The following SMAD4 variants were observed in gnomAD, a reference collection of about 807,000 sequenced individuals.
SMAD4 encodes the protein SMAD family member 4, also known as MAD homolog 4.
A neutral mutation model predicts 63.2 loss-of-function variants in SMAD4; 7 were observed. The ratio of observed to expected loss-of-function variants is 0.11; its 90% CI spans 0.06 to 0.21. The LOEUF (loss-of-function observed/expected upper bound fraction) is 0.21. Ranked by LOEUF, SMAD4 falls within the 10% of genes least tolerant of loss-of-function variation. SMAD4 has a pLI of 1.00. For synonymous variants in SMAD4, 215 were observed against 235.4 expected, an observed-to-expected ratio of 0.91 and a Z score of 0.79; for missense variants, 312 against 693.8, an observed-to-expected ratio of 0.45 and a Z score of 6.18.
chr18:51,081,656 A>C lies in SMAD4; in HGVS notation c.*3189A>C, dbSNP rs1192944734. The C allele has an allele frequency of 4.3e-6, 1 of 232,758 alleles. No homozygotes were observed. The highest frequency in any genetic ancestry group is 8.5e-6 in the Non-Finnish European group (1 of 117,866). 14.4% of individuals were successfully genotyped at this position (232,758 alleles called of 1,614,324 possible). A position where few individuals can be genotyped will look rare whatever the true frequency, so the allele number is the denominator to read the frequency against. ...TAGCTGTGCTGCATTTCAGACTTAA[A>C]ATCCATTTTTGTGGGGCAGGGTGTG... On this transcript the variant is annotated 3_prime_UTR_variant, in exon 12 of 12. Coordinates refer to ENST00000342988, the MANE Select transcript of SMAD4 (RefSeq NM_005359.6).
chr18:51,078,625 T>C lies in SMAD4; in HGVS notation c.*158T>C, dbSNP rs1910532726. 1 of 620,470 alleles carries C rather than the reference T, an allele frequency of 1.6e-6. No individual in the cohort carries two copies. The highest frequency in any genetic ancestry group is 2.8e-6 in the Non-Finnish European group (1 of 362,154). The allele number at this position is 620,470 out of a possible 1,614,324, so 38.4% of individuals were successfully genotyped here. A position where few individuals can be genotyped will look rare whatever the true frequency, so the allele number is the denominator to read the frequency against. On this transcript the variant is annotated 3_prime_UTR_variant, in exon 12 of 12. Transcript: ENST00000342988. The stretch of plus-strand genomic sequence containing the variant: ...TGCCTTGCTCCTAGCAGACAGAAAC[T>C]GGATTAAAACAATTTTTTTTTTCCT...
chr18:51,069,828 G>A (rs1235181125), intron 10 of SMAD4, among the ~76,000 whole-genome samples: 1 of 152,140 alleles, frequency 6.6e-6, no homozygotes, highest in Non-Finnish European at 1.5e-5. Flanking sequence ...TTTGGCTGTT[G>A]TCTCTCTCCA....
At chr18:51,051,880 C>A (rs1909723416) in intron 4 of SMAD4, among the ~76,000 whole-genome samples, 1 of 151,946 alleles carries the variant, frequency 6.6e-6, no homozygotes, top group African/African-American at 2.4e-5. Flanking sequence ...GATTTCGGCT[C>A]ACTGCAACCT....
chr18:51,083,631 C>G lies in SMAD4; in HGVS notation c.*5164C>G, dbSNP rs1910665071. 1 of 227,932 alleles carries G rather than the reference C, an allele frequency of 4.4e-6. No individual in the cohort carries two copies. The highest frequency in any genetic ancestry group is 8.7e-6 in the Non-Finnish European group (1 of 114,658). The allele number at this position is 227,932 out of a possible 1,614,324, so 14.1% of individuals were successfully genotyped here. A position where few individuals can be genotyped will look rare whatever the true frequency, so the allele number is the denominator to read the frequency against. On this transcript the variant is annotated 3_prime_UTR_variant, in exon 12 of 12. Transcript: ENST00000342988. ...AGTAATGGCTCTGGGTTGGGCCAGA[C>G]AGTTGCACTCTCTAGTTTGCCCTCT...
At chr18:51,056,669 G>A (rs1001338891) in intron 5 of SMAD4, among the ~76,000 whole-genome samples, 1 of 140,080 alleles carries the variant, frequency 7.1e-6, no homozygotes, top group Non-Finnish European at 1.6e-5. Context: ...GTCTCAAAAA[G>A]TATATTGATG....
rs71171374 is a variant in SMAD4 at position 51,062,851 on chromosome 18, G to GTTTTTTTTTTTTTTTTTTTTTT, written c.956-2569_956-2548dup. On this transcript the variant is annotated intron_variant, in intron 8 of 11. Transcript: ENST00000342988. The stretch of plus-strand genomic sequence containing the variant: ...ACAGTCTAGTAATCTGGCTTTACTT[G>GTTTTTTTTTTTTTTTTTTTTTT]TTTTTTTTTTTTTTTTTTTTTTTTG... 1.2e-4 allele frequency among the ~76,000 whole-genome samples: 8 copies of GTTTTTTTTTTTTTTTTTTTTTT among 65,394 alleles called. 3 individuals are homozygous for GTTTTTTTTTTTTTTTTTTTTTT. The highest frequency in any genetic ancestry group is 5.1e-4 in the African/African-American group (8 of 15,672). 42.9% of individuals were successfully genotyped at this position (65,394 alleles called of 152,430 possible).
intron 4 of SMAD4, chr18:51,054,253 G>C (rs1222795552): frequency 6.1e-6 from 1 of 165,124 alleles, no homozygotes; most frequent in African/African-American, 2.4e-5. Flanking sequence ...ATTACATTCA[G>C]TACACTTCAT....
At chr18:51,068,976 G>A (rs1358696185) in intron 10 of SMAD4, among the ~76,000 whole-genome samples, 1 of 152,032 alleles carries the variant, frequency 6.6e-6, no homozygotes, top group African/African-American at 2.4e-5. Flanking sequence ...TTTGTTAAAT[G>A]ATATCATGAT....
intron 10 of SMAD4, among the ~76,000 whole-genome samples, chr18:51,068,082 T>C (rs1481761050): frequency 2.6e-5 from 4 of 152,176 alleles, no homozygotes; most frequent in Non-Finnish European, 4.4e-5. Context: ...TCATAACTTA[T>C]TACCAGGAAG....
At position 51,046,670 on chromosome 18, in the gene SMAD4, G is replaced by T. The variant is rs940778378; in HGVS notation, c.-127-250G>T. On this transcript the variant is annotated intron_variant, in intron 1 of 11. Coordinates refer to ENST00000342988, the MANE Select transcript of SMAD4 (RefSeq NM_005359.6). The stretch of plus-strand genomic sequence containing the variant: ...GAGCATGCCACTATCATAATGAGAA[G>T]ACCTAACTTTAATATTTTTGGAATG... Among the ~76,000 whole-genome samples, 9 of 151,972 alleles carry T rather than the reference G, an allele frequency of 5.9e-5. No individual in the cohort carries two copies. In the South Asian group the frequency reaches 1.9e-3, roughly 32 times the overall value.
chr18:51,043,519 A>G (rs1299772989), intron 1 of SMAD4, among the ~76,000 whole-genome samples: 1 of 152,190 alleles, frequency 6.6e-6, no homozygotes, highest in East Asian at 1.9e-4. Flanking sequence ...AGAACCATTT[A>G]ATGTAGGAAT....
At chr18:51,041,972 C>G (rs903832851) in intron 1 of SMAD4, among the ~76,000 whole-genome samples, 8 of 152,090 alleles carry the variant, frequency 5.3e-5, no homozygotes, top group Non-Finnish European at 2.9e-5. Context: ...CACTTTATAC[C>G]TACTTCTTTT....
intron 5 of SMAD4, among the ~76,000 whole-genome samples, chr18:51,057,436 A>G (rs1472116228): frequency 6.6e-6 from 1 of 152,236 alleles, no homozygotes; most frequent in Non-Finnish European, 1.5e-5. Flanking sequence ...AGAGAGGGCA[A>G]TTAATTTCTT....
At chr18:51,058,030 T>C in intron 5 of SMAD4, 95 bp from the exon 6 acceptor site, 1 of 1,423,904 alleles carries the variant, frequency 7.0e-7, no homozygotes, top group Non-Finnish European at 9.9e-7. Context: ...TTTATAGTTG[T>C]GCATTATCAG....
chr18:51,057,146 CCTTTT>C (rs1304713896), intron 5 of SMAD4, among the ~76,000 whole-genome samples: 1 of 152,002 alleles, frequency 6.6e-6, no homozygotes, highest in Admixed American at 6.6e-5. Flanking sequence ...GAAAAATATT[CCTTTT>C]CTTTGATACT....
intron 1 of SMAD4, among the ~76,000 whole-genome samples, chr18:51,046,452 T>A (rs551256412): frequency 2.0e-5 from 3 of 151,422 alleles, no homozygotes; most frequent in African/African-American, 7.2e-5. Flanking sequence ...TTTTTTTTTT[T>A]AATTGGTCTC....
chr18:51,049,546 A>C (rs141824982), intron 4 of SMAD4: 4 of 507,292 alleles, frequency 7.9e-6, no homozygotes, highest in Non-Finnish European at 3.5e-6. Flanking sequence ...GCAATTTATG[A>C]ACTAAAGTAC....
intron 1 of SMAD4, among the ~76,000 whole-genome samples, chr18:51,033,892 T>TG (rs1428486381): frequency 1.3e-5 from 2 of 152,196 alleles, no homozygotes; most frequent in Non-Finnish European, 2.9e-5. Flanking sequence ...AAAACTAAGA[T>TG]GGTAGGTAGT....
chr18:51,071,083 A>G (rs144340373), intron 10 of SMAD4, among the ~76,000 whole-genome samples: 1 of 152,312 alleles, frequency 6.6e-6, no homozygotes, highest in East Asian at 1.9e-4. Context: ...GGAATACTGT[A>G]TACCTTAAAA....
Sources: gnomAD v4.1 joint callset for allele counts (sites outside exome capture counted in the v4.1 genomes callset) on GRCh38, gnomAD v4.1.1 for gene constraint, MANE v1.5 for transcripts, NCBI Gene and HGNC (gene_info 2026-07-23, HGNC 2026-07-21) for gene names.